The following CHD1L variants were observed in gnomAD, a reference collection of about 807,000 sequenced individuals.
CHD1L encodes chromodomain helicase DNA binding protein 1 like, also known as ATP-dependent chromatin remodeler CHD1L.
A neutral mutation model predicts 115.9 loss-of-function variants in CHD1L; 118 were observed. The ratio of observed to expected loss-of-function variants is 1.02; its 90% CI spans 0.88 to 1.19. The LOEUF is 1.19. Among genes scored for constraint, CHD1L ranks in the 50% most tolerant of loss-of-function variants. The pLI is 0.00. For missense variants in CHD1L, 1,179 were observed against 1,065.3 expected, an observed-to-expected ratio of 1.11 and a Z score of -1.49; for synonymous variants, 411 against 387.1, an observed-to-expected ratio of 1.06 and a Z score of -0.72.
intron 5 of CHD1L, among the ~76,000 whole-genome samples, chr1:147,257,281 A>G (rs967008225): frequency 7.9e-5 from 12 of 152,166 alleles, no homozygotes; most frequent in Admixed American, 1.3e-4. Context: ...AAAGTATTTT[A>G]TCAATATTTT....
upstream of CHD1L, among the ~76,000 whole-genome samples, chr1:147,242,101 T>C (rs1407151763): frequency 6.6e-6 from 1 of 152,156 alleles, no homozygotes; most frequent in Non-Finnish European, 1.5e-5. Flanking sequence ...ACTGAACACA[T>C]TGCCTCAATC....
chr1:147,240,389 C>A (rs1177530782), upstream of CHD1L, among the ~76,000 whole-genome samples: 1 of 152,216 alleles, frequency 6.6e-6, no homozygotes, highest in African/African-American at 2.4e-5. Context: ...CAATACACTG[C>A]GGAAGGCCGC....
the CHD1L span, among the ~76,000 whole-genome samples, chr1:147,233,352 C>T: frequency 3.3e-5 from 5 of 151,590 alleles, no homozygotes; most frequent in Non-Finnish European, 7.4e-5. Flanking sequence ...GCCAGGCCAG[C>T]CGCCCCGTCC....
chr1:147,249,309 A>C (rs1667612590), intron 1 of CHD1L, among the ~76,000 whole-genome samples: 1 of 150,840 alleles, frequency 6.6e-6, no homozygotes, highest in Non-Finnish European at 1.5e-5. Context: ...TTTCCTCTTT[A>C]AGTAAGGTGT....
intron 5 of CHD1L, among the ~76,000 whole-genome samples, chr1:147,257,922 C>T (rs1382795002): frequency 6.6e-6 from 1 of 152,066 alleles, no homozygotes; most frequent in Non-Finnish European, 1.5e-5. Flanking sequence ...TTCAGATAAT[C>T]GGTTTTCAGT....
At chr1:147,204,426 C>G in the CHD1L span, 1 of 1,183,540 alleles carries the variant, frequency 8.4e-7, no homozygotes, top group African/African-American at 1.5e-5. Flanking sequence ...ATTGTTTACA[C>G]ATTACAGAGG....
At chr1:147,236,365 C>G in the CHD1L span, among the ~76,000 whole-genome samples, 1 of 152,192 alleles carries the variant, frequency 6.6e-6, no homozygotes, top group African/African-American at 2.4e-5. Flanking sequence ...ATGTTTCAGC[C>G]CTGTTTGTGT....
Position 147,286,402 on chromosome 1 carries a change from A to G in CHD1L, c.2123A>G (p.Asp708Gly), listed in dbSNP as rs782720118. 1 of 1,614,158 alleles carries G rather than the reference A, an allele frequency of 6.2e-7. No homozygotes were observed. Among genetic ancestry groups the G allele is most frequent in the Non-Finnish European group, 8.5e-7 (1 of 1,180,036 alleles). The change falls in exon 18 of 23, where the codon GAT becomes GGT. Residue 708 changes from aspartate (D) to glycine (G), a missense_variant. Asp to Gly is a moderately conservative substitution (Grantham distance 94). Coordinates refer to ENST00000369258, the MANE Select transcript of CHD1L (RefSeq NM_004284.6). ...ENGEESSAEL[D>G]YQDPDATSLK... ...GGGGAAGAGAGCTCTGCTGAGCTGG[A>G]TTACCAAGACCCAGATGCTACTTCC...
At chr1:147,236,486 T>C in the CHD1L span, among the ~76,000 whole-genome samples, 89 of 152,344 alleles carry the variant, frequency 5.8e-4, no homozygotes, top group Non-Finnish European at 1.1e-3. Context: ...AGAAACTTTA[T>C]TGAGTGACAG....
chr1:147,208,607 T>C, the CHD1L span: 2 of 343,508 alleles, frequency 5.8e-6, no homozygotes, highest in East Asian at 1.4e-4. Flanking sequence ...ACCTGGCTAA[T>C]TTTGTGTTTT....
intron 9 of CHD1L, among the ~76,000 whole-genome samples, chr1:147,268,447 G>A (rs929080004): frequency 3.9e-5 from 6 of 152,102 alleles, no homozygotes; most frequent in African/African-American, 1.4e-4. Flanking sequence ...AGGGGGTGTT[G>A]GGAACACATA....
At chr1:147,190,349 G>A in the CHD1L span, 1 of 742,444 alleles carries the variant, frequency 1.3e-6, no homozygotes, top group South Asian at 1.8e-5. Context: ...AGAAATACAG[G>A]GTAAGTTTCC....
At chr1:147,188,079 C>T in the CHD1L span, among the ~76,000 whole-genome samples, 1 of 151,776 alleles carries the variant, frequency 6.6e-6, no homozygotes, top group Non-Finnish European at 1.5e-5. Flanking sequence ...GATAGAGGGT[C>T]AAGTAGGAAT....
Position 147,294,189 on chromosome 1 carries a change from T to C in CHD1L, c.2507-220T>C, listed in dbSNP as rs77385829. ...ATTTTAATTTTGCCTCCACCAATCA[T>C]AATCTATTTCCAATTGTATGTATTT... On this transcript the variant is annotated intron_variant, in intron 21 of 22. Transcript: ENST00000369258. Among the ~76,000 whole-genome samples, 445 of 152,322 alleles carry C rather than the reference T, an allele frequency of 2.9e-3. 6 individuals are homozygous for C. In the East Asian group the frequency reaches 0.061, roughly 21 times the overall value.
upstream of CHD1L, chr1:147,242,557 C>G: frequency 1.2e-6 from 1 of 845,136 alleles, no homozygotes; most frequent in Non-Finnish European, 1.6e-6. Flanking sequence ...TGCACCAGCT[C>G]CGCTCCGGAT....
chr1:147,189,936 CT>C, the CHD1L span, among the ~76,000 whole-genome samples: 5 of 152,188 alleles, frequency 3.3e-5, no homozygotes, highest in South Asian at 2.1e-4. Context: ...TCCTATGTGA[CT>C]TTTTTTAGGC....
chr1:147,272,553 T>G (rs1676652137), intron 12 of CHD1L: 1 of 260,158 alleles, frequency 3.8e-6, no homozygotes. Context: ...CCTGAAAGAT[T>G]TATGTGATTT....
At chr1:147,187,630 C>G in the CHD1L span, among the ~76,000 whole-genome samples, 55 of 152,304 alleles carry the variant, frequency 3.6e-4, 1 homozygote, top group South Asian at 7.2e-3. Flanking sequence ...CAAAAATTCT[C>G]AAGTATGGCA....
At chr1:147,231,527 C>T in the CHD1L span, among the ~76,000 whole-genome samples, 2 of 152,058 alleles carry the variant, frequency 1.3e-5, no homozygotes, top group African/African-American at 4.8e-5. Context: ...TTAAGTCCAC[C>T]TGGTGCAGAG....
Sources: allele counts gnomAD v4.1 joint callset (sites outside exome capture counted in the v4.1 genomes callset), GRCh38; gene constraint gnomAD v4.1.1; transcripts MANE v1.5; gene names NCBI Gene and HGNC (gene_info 2026-07-23, HGNC 2026-07-21).